The following TOP2A variants were observed in gnomAD, a reference collection of about 807,000 sequenced individuals.
The protein encoded by TOP2A is DNA topoisomerase II alpha.
In TOP2A, 68 loss-of-function variants were observed where a neutral mutation model predicts 187.2. The observed-to-expected ratio is 0.36, with a 90% CI of 0.30 to 0.44. TOP2A has a LOEUF of 0.44. Ranked by LOEUF, TOP2A falls within the 20% of genes least tolerant of loss-of-function variation. The pLI is 1.00. For missense variants in TOP2A, 1,196 were observed against 1,808.7 expected (o/e 0.66, Z 6.14); for synonymous variants, 542 against 593.2 (o/e 0.91, Z 1.25).
chr17:40,404,989 C>T, intron 16 of TOP2A, 106 bp from the exon 17 acceptor site: 1 of 682,110 alleles, frequency 1.5e-6, no homozygotes, highest in South Asian at 1.9e-5. Flanking sequence ...ATACTGTTTT[C>T]CTTTTTTTTT....
At position 40,415,933 on chromosome 17, in the gene TOP2A, C is replaced by T. The variant is rs895457351; in HGVS notation, c.332+72G>A. 4.6e-6 allele frequency: 5 copies of T among 1,088,046 alleles called. No individual in the cohort carries two copies. In the African/African-American group the frequency reaches 6.3e-5, roughly 14 times the overall value. 67.4% of individuals were successfully genotyped at this position (1,088,046 alleles called of 1,614,324 possible). A position where few individuals can be genotyped will look rare whatever the true frequency, so the allele number is the denominator to read the frequency against. ...ACTTCTGTTTAGGAAAAGCCAACTT[C>T]ACCAGTAATCAAAATACATGCAGCT... On this transcript the variant is annotated intron_variant, in intron 4 of 34. Transcript: ENST00000423485.
chr17:40,417,675 C>T, intron 1 of TOP2A, 96 bp downstream of exon 1: 1 of 1,587,426 alleles, frequency 6.3e-7, no homozygotes. Flanking sequence ...GGTCGCCGGC[C>T]TGACCGCAGC....
At chr17:40,408,968 GCA>G in intron 10 of TOP2A, 1 of 441,804 alleles carries the variant, frequency 2.3e-6, no homozygotes, top group Non-Finnish European at 4.4e-6. Context: ...GCCAAGGTGG[GCA>G]GAACACCTGA....
Position 40,406,669 on chromosome 17 carries a change from T to G in TOP2A, c.1758A>C (p.Glu586Asp), listed in dbSNP as rs2035249127. 1 of 1,612,508 alleles carries G rather than the reference T, an allele frequency of 6.2e-7. No individual in the cohort carries two copies. Among genetic ancestry groups the G allele is most frequent in the Non-Finnish European group, 8.5e-7 (1 of 1,179,576 alleles). ...PIVKVSKNKQ[E>D]MAFYSLPEFE... ...ATTCAGGAAGGCTGTAAAATGCCATTTCTTGCTTGTTTTTAGATACCTGTG... is the reference window on the plus strand; with the variant it reads ...ATTCAGGAAGGCTGTAAAATGCCATGTCTTGCTTGTTTTTAGATACCTGTG... Residue 586 changes from glutamate (E) to aspartate (D), a missense_variant, in exon 15 of 35, where the codon GAA becomes GAC. Glu to Asp is a conservative substitution (Grantham distance 45, BLOSUM62 2). Around this residue, in one of 10 missense-constraint regions of TOP2A, gnomAD observed 209 missense variants for 376.9 expected, o/e 0.55. Transcript: ENST00000423485.
chr17:40,404,836 A>G lies in TOP2A; in HGVS notation c.2001T>C (p.Asn667=), dbSNP rs781318769. 10 of 1,604,134 alleles carry G rather than the reference A, an allele frequency of 6.2e-6. No homozygotes were observed. The South Asian group carries it at 1.0e-4, about 16-fold the overall frequency. Residue 667 remains asparagine, a synonymous_variant, in exon 17 of 35, where the codon AAT becomes AAC. Transcript: ENST00000423485. ...QIDDRKEWLT[N]FMEDRRQRKL... is the part of the protein sequence containing the mutation. The stretch of plus-strand genomic sequence containing the variant: ...TTCGTTGTCTTCTATCCTCCATGAA[A>G]TTAGTTAACCATTCCTTTCGATCAT...
intron 1 of TOP2A, 45 bp downstream of exon 1, chr17:40,417,726 G>A (rs907230032): frequency 3.7e-6 from 6 of 1,610,818 alleles, no homozygotes; most frequent in Non-Finnish European, 4.2e-6. Flanking sequence ...AGAGATGCCC[G>A]GGCCGCGCGG....
intron 16 of TOP2A, among the ~76,000 whole-genome samples, chr17:40,405,101 T>C (rs1276729096): frequency 2.0e-5 from 3 of 151,774 alleles, no homozygotes; most frequent in African/African-American, 7.3e-5. Context: ...GCGATTCTCC[T>C]GCCTCAGCCT....
chr17:40,399,179 A>G (rs1009996027), intron 24 of TOP2A, 48 bp from the exon 25 acceptor site: 2 of 1,304,698 alleles, frequency 1.5e-6, no homozygotes, highest in Non-Finnish European at 2.1e-6. Flanking sequence ...GTAATATTTT[A>G]GGAAGGGGAT....
intron 27 of TOP2A, among the ~76,000 whole-genome samples, 190 bp from the exon 28 acceptor site, chr17:40,396,655 G>A (rs2035103832): frequency 6.6e-6 from 1 of 152,186 alleles, no homozygotes; most frequent in Admixed American, 6.5e-5. Context: ...AAGGTGTGGA[G>A]ACAGAAGGAC....
In TOP2A at chr17:40,390,144, T is replaced by G; in HGVS notation, c.4288A>C (p.Thr1430Pro). The change falls in exon 34 of 35, where the codon ACC (threonine) becomes CCC (proline). Residue 1430 changes from threonine to proline, a missense_variant. By Grantham distance (38) the Thr-to-Pro change is conservative. Transcript: ENST00000423485. ...AAKSQSSTST[T>P]GAKKRAAPKG... ...GGGGCAGCCCTTTTTTTGGCACCGG[T>G]AGTGGAGGTGGAAGACTGACCTGCA... The G allele has an allele frequency of 6.2e-7, 1 of 1,612,660 alleles. No homozygotes were observed. Among genetic ancestry groups the G allele is most frequent in the Non-Finnish European group, 8.5e-7 (1 of 1,179,452 alleles).
At chr17:40,395,197 C>T (rs1040355408) in intron 29 of TOP2A, among the ~76,000 whole-genome samples, 10 of 150,052 alleles carry the variant, frequency 6.7e-5, no homozygotes, top group Admixed American at 2.0e-4. Context: ...GCAGGAGAAT[C>T]GCTTGAACCC....
intron 13 of TOP2A, among the ~76,000 whole-genome samples, 151 bp from the exon 14 acceptor site, chr17:40,407,093 G>A (rs2035257355): frequency 6.6e-6 from 1 of 152,114 alleles, no homozygotes; most frequent in Admixed American, 6.5e-5. Context: ...GTGAAACCCT[G>A]TCTCCACTAA....
chr17:40,398,726 G>A (rs771602340), intron 26 of TOP2A, 47 bp downstream of exon 26: 1 of 1,604,852 alleles, frequency 6.2e-7, no homozygotes, highest in Non-Finnish European at 8.5e-7. Flanking sequence ...TTTACCATTA[G>A]AATAGAACAA....
rs754348957 is a variant in TOP2A at position 40,389,968 on chromosome 17, G to A, written c.4464C>T (p.Ser1488=). The change falls in exon 34 of 35, where the codon AGC becomes AGT. Residue 1488 remains serine (S), a synonymous_variant. Coordinates refer to ENST00000423485, the MANE Select transcript of TOP2A (RefSeq NM_001067.4). ...ACTGACTAGGATCAACACTCACCTTGCTTGTGACTGCTTTCGAAACAATTT... is the reference window on the plus strand; with the variant it reads ...ACTGACTAGGATCAACACTCACCTTACTTGTGACTGCTTTCGAAACAATTT... ...FEKIVSKAVT[S]KKSKGESDDF... The A allele has an allele frequency of 6.2e-6, 10 of 1,612,458 alleles. No homozygotes were observed. Among genetic ancestry groups the A allele is most frequent in the Non-Finnish European group, 7.6e-6 (9 of 1,179,136 alleles).
chr17:40,415,757 G>A (rs1243405840), intron 4 of TOP2A, among the ~76,000 whole-genome samples: 1 of 152,010 alleles, frequency 6.6e-6, no homozygotes, highest in East Asian at 1.9e-4. Context: ...GACCAGCCCA[G>A]GCAAAATAGC....
Position 40,392,345 on chromosome 17 carries a change from G to C in TOP2A, c.3965-4C>G, listed in dbSNP as rs774298793. Reference sequence around the variant, plus strand: ...TCCATTGTGAATTTTGTTTTTGCTAGTAAAAAAACCATATACAAAAAAATC... The same window carrying C: ...TCCATTGTGAATTTTGTTTTTGCTACTAAAAAAACCATATACAAAAAAATC... On this transcript the variant is annotated splice_polypyrimidine_tract_variant and splice_region_variant and intron_variant, in intron 30 of 34. Transcript: ENST00000423485. 1 of 1,578,958 alleles carries C rather than the reference G, an allele frequency of 6.3e-7. No homozygotes were observed.
chr17:40,390,263 A>T (rs1745299089), intron 33 of TOP2A, 99 bp from the exon 34 acceptor site: 5 of 1,125,198 alleles, frequency 4.4e-6, no homozygotes, highest in Non-Finnish European at 6.2e-6. Context: ...ATCTCGGCTC[A>T]CTGCAACCTC....
rs2143612630 is a variant in TOP2A, at chr17:40,388,664, G to C, written c.*855C>G. ...AACAATGTAGACAGGTCTTAACAAAGTTTACAAATTGAAATTATGGAGATT... is the reference window on the plus strand; with the variant it reads ...AACAATGTAGACAGGTCTTAACAAACTTTACAAATTGAAATTATGGAGATT... On this transcript the variant is annotated 3_prime_UTR_variant, in exon 35 of 35. Transcript: ENST00000423485. 1.1e-5 allele frequency: 2 copies of C among 186,810 alleles called. No homozygotes were observed. The highest frequency in any genetic ancestry group is 3.9e-4 in the South Asian group (2 of 5,118). The allele number at this position is 186,810 out of a possible 1,614,324, so 11.6% of individuals were successfully genotyped here. A position where few individuals can be genotyped will look rare whatever the true frequency, so the allele number is the denominator to read the frequency against.
At chr17:40,398,680 T>C in intron 26 of TOP2A, 39 bp from the exon 27 acceptor site, 1 of 1,605,588 alleles carries the variant, frequency 6.2e-7, no homozygotes, top group Non-Finnish European at 8.5e-7. Flanking sequence ...AATATATGTA[T>C]ACAAGCAGCA....
Sources: gnomAD v4.1 joint callset for allele counts (sites outside exome capture counted in the v4.1 genomes callset) on GRCh38, gnomAD v4.1.1 for gene constraint, gnomAD v4.1.1 regional missense constraint, MANE v1.5 for transcripts, NCBI Gene and HGNC (gene_info 2026-07-23, HGNC 2026-07-21) for gene names.